Variants in CECR2 observed in about 807,000 individuals in gnomAD.
CECR2 encodes CECR2 histone acetyl-lysine reader, also known as chromatin remodeling regulator CECR2.
In CECR2, 30 loss-of-function variants were observed where a neutral mutation model predicts 154.5. The ratio of observed to expected loss-of-function variants is 0.19; its 90% confidence interval spans 0.15 to 0.26. CECR2 has a LOEUF of 0.26. Among genes scored for constraint, CECR2 ranks in the 10% least tolerant of loss-of-function variants. The pLI, the probability that CECR2 is intolerant of heterozygous loss-of-function variation, is 1.00. For missense variants in CECR2, 1,743 were observed against 1,829.3 expected, an observed-to-expected ratio of 0.95 and a Z score of 0.86; for synonymous variants, 725 against 683.7, an observed-to-expected ratio of 1.06 and a Z score of -0.94.
At chr22:17,367,802 C>T (rs2063010404), upstream of CECR2, among the ~76,000 whole-genome samples, 2 of 152,242 alleles carry the variant, frequency 1.3e-5, no homozygotes, top group Non-Finnish European at 1.5e-5. Context: ...TGGCCTGTGT[C>T]CCTCTCCCAT....
intron 2 of CECR2, among the ~76,000 whole-genome samples, chr22:17,480,114 T>A (rs543423108): frequency 2.2e-4 from 33 of 152,256 alleles, no homozygotes; most frequent in African/African-American, 7.2e-4. Context: ...TGTCTTTAAT[T>A]TGCAGAGTTT....
chr22:17,366,325 G>C (rs1206868161), upstream of CECR2, among the ~76,000 whole-genome samples: 2 of 152,136 alleles, frequency 1.3e-5, no homozygotes, highest in African/African-American at 4.8e-5. Context: ...GTAGCTGGGA[G>C]TACAGGGGCG....
chr22:17,363,430 G>C (rs1329103860), intron 1 of CECR2, among the ~76,000 whole-genome samples: 1 of 152,024 alleles, frequency 6.6e-6, no homozygotes, highest in African/African-American at 2.4e-5. Flanking sequence ...GGCTGGTCTC[G>C]AACTCCTGAC....
chr22:17,415,103 C>T (rs1388484209), intron 1 of CECR2, among the ~76,000 whole-genome samples: 1 of 152,102 alleles, frequency 6.6e-6, no homozygotes, highest in Non-Finnish European at 1.5e-5. Flanking sequence ...CAGTGCCTAG[C>T]GGTGGGCACT....
chr22:17,520,838 A>G (rs1215289904), intron 8 of CECR2, among the ~76,000 whole-genome samples: 1 of 152,116 alleles, frequency 6.6e-6, no homozygotes, highest in Non-Finnish European at 1.5e-5. Context: ...ATTGATGTCC[A>G]TTGATGGACA....
chr22:17,386,246 C>T (rs2146489951), intron 1 of CECR2, among the ~76,000 whole-genome samples: 1 of 152,226 alleles, frequency 6.6e-6, no homozygotes, highest in South Asian at 2.1e-4. Context: ...ATTTGAGTTA[C>T]TCTGACCGGA....
chr22:17,540,395 C>T lies in CECR2; in HGVS notation c.1496-17C>T. Reference sequence around the variant, plus strand: ...TGTAAACTATACCTAGAAGTCAATCCTCCTGTCTTCCTATAGAGTATACCA... The same window carrying T: ...TGTAAACTATACCTAGAAGTCAATCTTCCTGTCTTCCTATAGAGTATACCA... On this transcript the variant is annotated splice_polypyrimidine_tract_variant and intron_variant, in intron 13 of 18. Coordinates refer to ENST00000262608, the MANE Select transcript of CECR2 (RefSeq NM_001290047.2). 1 of 1,488,840 alleles carries T rather than the reference C, an allele frequency of 6.7e-7. No individual in the cohort carries two copies. Among genetic ancestry groups the T allele is most frequent in the Non-Finnish European group, 8.9e-7 (1 of 1,119,586 alleles). The allele number at this position is 1,488,840 out of a possible 1,614,324, so 92.2% of individuals were successfully genotyped here.
intron 1 of CECR2, among the ~76,000 whole-genome samples, chr22:17,414,663 C>CA (rs569024454): frequency 6.6e-6 from 1 of 151,118 alleles, no homozygotes; most frequent in African/African-American, 2.4e-5. Context: ...TATCCCTCCC[C>CA]CTCCCCCCAC....
chr22:17,516,282 A>AT (rs695315), intron 8 of CECR2, among the ~76,000 whole-genome samples: 30,635 of 151,804 alleles, frequency 0.2, 3,567 homozygotes, highest in Non-Finnish European at 0.26. Context: ...CATTTATTAT[A>AT]TTATATGTGT....
At chr22:17,504,546 C>T (rs974638241) in intron 6 of CECR2, among the ~76,000 whole-genome samples, 3 of 151,968 alleles carry the variant, frequency 2.0e-5, no homozygotes, top group East Asian at 3.9e-4. Context: ...ACGCCATTCT[C>T]CTGCCTCAGC....
intron 1 of CECR2, 134 bp from the exon 2 acceptor site, chr22:17,477,454 C>T: frequency 1.5e-6 from 1 of 661,064 alleles, no homozygotes; most frequent in Non-Finnish European, 2.7e-6. Flanking sequence ...GAAGGAAGGG[C>T]AGAGCTGATC....
chr22:17,364,408 T>C (rs1392072493), intron 1 of CECR2, among the ~76,000 whole-genome samples: 1 of 150,532 alleles, frequency 6.6e-6, no homozygotes, highest in African/African-American at 2.5e-5. Flanking sequence ...TTGACTAAAG[T>C]GCTAACATAA....
intron 1 of CECR2, among the ~76,000 whole-genome samples, chr22:17,396,374 G>A (rs577083472): frequency 1.9e-4 from 29 of 152,188 alleles, no homozygotes; most frequent in Admixed American, 4.6e-4. Flanking sequence ...GCAAAACCCC[G>A]TCTCTACTAC....
intron 5 of CECR2, 80 bp downstream of exon 5, chr22:17,500,815 C>T: frequency 9.5e-7 from 1 of 1,053,476 alleles, no homozygotes. Context: ...CTTTATTTTG[C>T]CTGTGCCATG....
At chr22:17,391,375 T>G (rs2063323986) in intron 1 of CECR2, among the ~76,000 whole-genome samples, 1 of 152,324 alleles carries the variant, frequency 6.6e-6, no homozygotes, top group Admixed American at 6.5e-5. Context: ...GTAAAATGAT[T>G]TAAATTTCAA....
intron 1 of CECR2, among the ~76,000 whole-genome samples, chr22:17,393,444 C>T (rs2053760919): frequency 6.6e-6 from 1 of 152,074 alleles, no homozygotes; most frequent in Non-Finnish European, 1.5e-5. Flanking sequence ...TTATTTCCCC[C>T]TTTTGGCTAT....
intron 2 of CECR2, among the ~76,000 whole-genome samples, chr22:17,487,291 C>G (rs2055438274): frequency 6.6e-6 from 1 of 152,162 alleles, no homozygotes; most frequent in South Asian, 2.1e-4. Flanking sequence ...GGGAAGTAAC[C>G]TGGCAAATTG....
intron 9 of CECR2, among the ~76,000 whole-genome samples, chr22:17,536,109 G>A (rs1270728993): frequency 2.6e-5 from 4 of 152,060 alleles, no homozygotes; most frequent in East Asian, 1.9e-4. Context: ...TTAGCTGGGC[G>A]TGGTGGTGCA....
At chr22:17,440,776 T>C (rs1037240850) in intron 1 of CECR2, among the ~76,000 whole-genome samples, 1 of 152,156 alleles carries the variant, frequency 6.6e-6, no homozygotes, top group African/African-American at 2.4e-5. Context: ...ACCCCTCCAC[T>C]CCTTTCTCAA....
Sources: allele counts gnomAD v4.1 joint callset (sites outside exome capture counted in the v4.1 genomes callset), GRCh38; gene constraint gnomAD v4.1.1; transcripts MANE v1.5; gene names NCBI Gene and HGNC (gene_info 2026-07-23, HGNC 2026-07-21).